The following GXYLT2 variants were observed in gnomAD, a reference collection of about 807,000 sequenced individuals.
GXYLT2 encodes glucoside xylosyltransferase 2.
In GXYLT2, 53 loss-of-function variants were observed where a neutral mutation model predicts 45.8. That is an observed-to-expected ratio of 1.16 (90% CI 0.93 to 1.46). The LOEUF (loss-of-function observed/expected upper bound fraction) is 1.46. Among genes scored for constraint, GXYLT2 ranks in the 40% most tolerant of loss-of-function variants. The pLI is 0.00. For synonymous variants in GXYLT2, 219 were observed against 214.2 expected (o/e 1.02, Z -0.19); for missense variants, 551 against 544.4 (o/e 1.01, Z -0.12).
At chr3:72,912,014 T>TATATA (rs527420103) in intron 2 of GXYLT2, among the ~76,000 whole-genome samples, 30 of 93,974 alleles carry the variant, frequency 3.2e-4, no homozygotes, top group South Asian at 6.3e-4. Context: ...TATATATATA[T>TATATA]TTTTTTTTTT....
At chr3:72,965,472 T>A (rs967783593) in intron 5 of GXYLT2, among the ~76,000 whole-genome samples, 1 of 152,318 alleles carries the variant, frequency 6.6e-6, no homozygotes. Context: ...GTCTTTCTCA[T>A]GATCAGCAAC....
rs1474453005 is a variant in GXYLT2, at chr3:72,956,505, C to A, written c.853-724C>A. ...TGAACTCTGTTATCTGTATTTTGTT[C>A]CTTCACCTCACAGTGAGGAAATAAG... On this transcript the variant is annotated intron_variant, in intron 4 of 6. Transcript: ENST00000389617. Among the ~76,000 whole-genome samples, 3 of 152,032 alleles carry A rather than the reference C, an allele frequency of 2.0e-5. No individual in the cohort carries two copies. In the East Asian group the frequency reaches 5.8e-4, roughly 29 times the overall value.
intron 1 of GXYLT2, among the ~76,000 whole-genome samples, chr3:72,897,771 G>C (rs1709321486): frequency 6.6e-6 from 1 of 152,304 alleles, no homozygotes; most frequent in South Asian, 2.1e-4. Flanking sequence ...GGCAGGCCTA[G>C]AATTTGAAGC....
intron 3 of GXYLT2, among the ~76,000 whole-genome samples, chr3:72,951,152 C>T (rs1191179580): frequency 1.3e-5 from 2 of 152,112 alleles, no homozygotes; most frequent in African/African-American, 4.8e-5. Context: ...GTAATTGCTG[C>T]AGAATTAGCC....
At chr3:72,917,849 C>A (rs912464426) in intron 2 of GXYLT2, among the ~76,000 whole-genome samples, 4 of 151,110 alleles carry the variant, frequency 2.6e-5, no homozygotes, top group East Asian at 3.9e-4. Context: ...GGAAAAAAAA[C>A]CCATTACACT....
chr3:72,955,832 C>T (rs1380626871), intron 4 of GXYLT2, among the ~76,000 whole-genome samples: 4 of 152,202 alleles, frequency 2.6e-5, no homozygotes, highest in Admixed American at 2.6e-4. Flanking sequence ...AATCCCAGCA[C>T]TTTGGAAGAC....
At chr3:72,972,439 G>C (rs1239984310) in intron 6 of GXYLT2, among the ~76,000 whole-genome samples, 2 of 151,730 alleles carry the variant, frequency 1.3e-5, no homozygotes, top group Non-Finnish European at 2.9e-5. Context: ...TCATGAGTTC[G>C]AGACCAGCCT....
At chr3:72,968,821 G>A (rs1204548426) in intron 6 of GXYLT2, among the ~76,000 whole-genome samples, 1 of 152,200 alleles carries the variant, frequency 6.6e-6, no homozygotes, top group Non-Finnish European at 1.5e-5. Flanking sequence ...CTGCACTTTG[G>A]GAGGGCAAGG....
At chr3:72,894,666 C>T (rs971869232) in intron 1 of GXYLT2, among the ~76,000 whole-genome samples, 1 of 152,256 alleles carries the variant, frequency 6.6e-6, no homozygotes, top group Non-Finnish European at 1.5e-5. Flanking sequence ...TGAGGAACAT[C>T]TGAGCCCTCG....
At chr3:72,937,803 T>C (rs933965321) in intron 3 of GXYLT2, among the ~76,000 whole-genome samples, 1 of 152,256 alleles carries the variant, frequency 6.6e-6, no homozygotes, top group African/African-American at 2.4e-5. Flanking sequence ...CATATGTCTT[T>C]GCTCAGACTC....
chr3:72,946,003 G>A (rs1461213630), intron 3 of GXYLT2, among the ~76,000 whole-genome samples: 2 of 152,150 alleles, frequency 1.3e-5, no homozygotes, highest in African/African-American at 4.8e-5. Flanking sequence ...TTGGCTGGGT[G>A]TGGTGGCTCA....
At chr3:72,948,426 A>G (rs548130993) in intron 3 of GXYLT2, among the ~76,000 whole-genome samples, 1 of 152,340 alleles carries the variant, frequency 6.6e-6, no homozygotes, top group African/African-American at 2.4e-5. Context: ...CTCCCTGACT[A>G]CAAGGGAGTT....
chr3:72,918,027 A>C (rs1211316072), intron 2 of GXYLT2, among the ~76,000 whole-genome samples: 1 of 152,118 alleles, frequency 6.6e-6, no homozygotes, highest in Non-Finnish European at 1.5e-5. Context: ...GCCAGATAGT[A>C]ACTATTTTAG....
intron 3 of GXYLT2, among the ~76,000 whole-genome samples, chr3:72,925,160 C>CT (rs1364669755): frequency 0.023 from 3,314 of 142,774 alleles, 140 homozygotes; most frequent in African/African-American, 0.076. Context: ...CTTTTTCTTT[C>CT]TTTTTTTTTT....
chr3:72,971,711 G>A (rs1442792936), intron 6 of GXYLT2, among the ~76,000 whole-genome samples: 1 of 152,166 alleles, frequency 6.6e-6, no homozygotes, highest in Non-Finnish European at 1.5e-5. Flanking sequence ...CACTTTGGGA[G>A]GCTGAGGCAG....
chr3:72,969,392 CAAAAAAAAA>C (rs11376005), intron 6 of GXYLT2, among the ~76,000 whole-genome samples: 6 of 115,288 alleles, frequency 5.2e-5, no homozygotes, highest in African/African-American at 1.8e-4. Context: ...GACCCTGTCT[CAAAAAAAAA>C]AAAAAAAATT....
At chr3:72,892,701 C>T (rs985281673) in intron 1 of GXYLT2, among the ~76,000 whole-genome samples, 6 of 152,254 alleles carry the variant, frequency 3.9e-5, no homozygotes, top group Admixed American at 3.3e-4. Flanking sequence ...ATAAAGGTCT[C>T]GCTAAAAAGA....
intron 3 of GXYLT2, among the ~76,000 whole-genome samples, chr3:72,954,201 G>A (rs921603301): frequency 7.9e-5 from 12 of 151,938 alleles, no homozygotes; most frequent in African/African-American, 2.4e-4. Context: ...CCCCCTCCCC[G>A]GGTTCAAGCG....
chr3:72,888,776 C>G (rs1490864809), intron 1 of GXYLT2, among the ~76,000 whole-genome samples: 1 of 152,164 alleles, frequency 6.6e-6, no homozygotes, highest in African/African-American at 2.4e-5. Flanking sequence ...CAAGGCAAGG[C>G]GTATTTTTGC....
Sources: gnomAD v4.1 joint callset for allele counts (sites outside exome capture counted in the v4.1 genomes callset) on GRCh38, gnomAD v4.1.1 for gene constraint, MANE v1.5 for transcripts, NCBI Gene and HGNC (gene_info 2026-07-23, HGNC 2026-07-21) for gene names.